Variants in PDS5B observed in about 807,000 individuals in gnomAD.
PDS5B encodes the protein sister chromatid cohesion protein PDS5 homolog B.
Under a neutral mutation model 184.1 loss-of-function variants are expected in PDS5B, and 51 were observed. That is an observed-to-expected ratio of 0.28 (90% CI 0.22 to 0.35). The LOEUF (loss-of-function observed/expected upper bound fraction) is 0.35. Ranked by LOEUF, PDS5B falls within the 10% of genes least tolerant of loss-of-function variation. The pLI is 1.00. For missense variants in PDS5B, 1,180 were observed against 1,723.3 expected, an observed-to-expected ratio of 0.68 and a Z score of 5.58; for synonymous variants, 566 against 569.2, an observed-to-expected ratio of 0.99 and a Z score of 0.08.
intron 13 of PDS5B, chr13:32,689,152 G>A (rs1390924886): frequency 1.3e-5 from 2 of 152,682 alleles, no homozygotes; most frequent in Non-Finnish European, 2.9e-5. Context: ...TAAGGGTTAG[G>A]AAATTGAAGT....
At chr13:32,749,015 ATGTCATTCCTC>A (rs1352724183) in intron 24 of PDS5B, among the ~76,000 whole-genome samples, 1 of 152,120 alleles carries the variant, frequency 6.6e-6, no homozygotes, top group African/African-American at 2.4e-5. Context: ...AGTTATGATC[ATGTCATTCCTC>A]TGTTAAAATA....
intron 1 of PDS5B, among the ~76,000 whole-genome samples, chr13:32,594,062 A>G (rs1055477561): frequency 3.3e-5 from 5 of 152,250 alleles, no homozygotes; most frequent in African/African-American, 1.2e-4. Flanking sequence ...ATCATTACAC[A>G]TTGTATATGT....
intron 10 of PDS5B, among the ~76,000 whole-genome samples, chr13:32,680,923 G>A (rs1408296806): frequency 6.6e-6 from 1 of 151,940 alleles, no homozygotes; most frequent in South Asian, 2.1e-4. Flanking sequence ...TTTTGCTGTT[G>A]ATAATGTGTA....
At chr13:32,714,575 C>G (rs916843971) in intron 19 of PDS5B, among the ~76,000 whole-genome samples, 1 of 152,136 alleles carries the variant, frequency 6.6e-6, no homozygotes. Flanking sequence ...GTTTATAAGC[C>G]TATACCTCCA....
At chr13:32,634,176 A>C (rs1017765407) in intron 1 of PDS5B, among the ~76,000 whole-genome samples, 3 of 152,206 alleles carry the variant, frequency 2.0e-5, no homozygotes, top group African/African-American at 7.2e-5. Context: ...AATTCTCTAA[A>C]ATACAAATCT....
At chr13:32,657,444 C>T (rs1439020004) in intron 3 of PDS5B, among the ~76,000 whole-genome samples, 1 of 152,058 alleles carries the variant, frequency 6.6e-6, no homozygotes, top group Non-Finnish European at 1.5e-5. Context: ...TTACTTTGAC[C>T]CTATCAGTGT....
intron 33 of PDS5B, 63 bp downstream of exon 33, chr13:32,770,824 G>T (rs1245371602): frequency 5.0e-6 from 6 of 1,195,174 alleles, no homozygotes; most frequent in African/African-American, 3.0e-5. Flanking sequence ...TCCTAAATTT[G>T]TAAACATACA....
chr13:32,762,620 A>G (rs930696495), intron 30 of PDS5B, among the ~76,000 whole-genome samples: 5 of 152,092 alleles, frequency 3.3e-5, no homozygotes, highest in Non-Finnish European at 7.4e-5. Flanking sequence ...TATTATAATC[A>G]AAGATGATCT....
At chr13:32,607,360 AG>A (rs965689052) in intron 1 of PDS5B, among the ~76,000 whole-genome samples, 15 of 152,180 alleles carry the variant, frequency 9.9e-5, no homozygotes, top group African/African-American at 3.6e-4. Flanking sequence ...TCACCAGTGG[AG>A]GCTGCAGAAC....
intron 1 of PDS5B, among the ~76,000 whole-genome samples, chr13:32,643,858 G>A (rs7996477): frequency 1.1e-4 from 16 of 152,108 alleles, no homozygotes; most frequent in Admixed American, 6.5e-4. Context: ...ATCATTAAGT[G>A]ATGTATGACT....
intron 19 of PDS5B, among the ~76,000 whole-genome samples, chr13:32,712,805 T>TTTAC (rs1952249740): frequency 6.6e-6 from 1 of 152,210 alleles, no homozygotes; most frequent in Non-Finnish European, 1.5e-5. Context: ...TTTCTTTAGG[T>TTTAC]CAACCTGTTT....
intron 1 of PDS5B, among the ~76,000 whole-genome samples, chr13:32,594,928 G>C (rs1477316629): frequency 6.6e-6 from 1 of 152,082 alleles, no homozygotes; most frequent in Non-Finnish European, 1.5e-5. Flanking sequence ...TTTCATCCCT[G>C]TTAATTGGTC....
At chr13:32,704,688 A>G (rs1951956323) in intron 17 of PDS5B, among the ~76,000 whole-genome samples, 2 of 152,184 alleles carry the variant, frequency 1.3e-5, no homozygotes, top group Non-Finnish European at 2.9e-5. Flanking sequence ...AGGTTGTGAT[A>G]CATTAGAGGA....
At chr13:32,660,276 C>CCTTG (rs1950609858) in intron 6 of PDS5B, among the ~76,000 whole-genome samples, 1 of 152,190 alleles carries the variant, frequency 6.6e-6, no homozygotes, top group African/African-American at 2.4e-5. Flanking sequence ...GTCTCCTTCA[C>CCTTG]CTTGGTGCCC....
chr13:32,643,352 T>C (rs1487981014), intron 1 of PDS5B, among the ~76,000 whole-genome samples: 4 of 152,170 alleles, frequency 2.6e-5, no homozygotes. Context: ...TAAAAGCTTT[T>C]AACACTTTGC....
At chr13:32,710,968 C>A (rs1952185102) in intron 19 of PDS5B, among the ~76,000 whole-genome samples, 1 of 151,964 alleles carries the variant, frequency 6.6e-6, no homozygotes, top group South Asian at 2.1e-4. Context: ...ATAAATAGAA[C>A]AAAGGCATTA....
chr13:32,629,776 G>C (rs1410431012), intron 1 of PDS5B, among the ~76,000 whole-genome samples: 1 of 152,174 alleles, frequency 6.6e-6, no homozygotes, highest in Non-Finnish European at 1.5e-5. Context: ...AAGCAGGTAT[G>C]ATGTAGTTCT....
At chr13:32,609,970 A>G (rs913126014) in intron 1 of PDS5B, among the ~76,000 whole-genome samples, 13 of 152,320 alleles carry the variant, frequency 8.5e-5, no homozygotes, top group Middle Eastern at 3.4e-3. Context: ...AGAGGAAAAA[A>G]GTTGATGGAG....
Position 32,775,075 on chromosome 13 carries a change from T to C in PDS5B, c.*23T>C. On this transcript the variant is annotated 3_prime_UTR_variant, in exon 35 of 35. Transcript: ENST00000315596. ...TGAACAAATGTAATTAATAACTTTC[T>C]CTGTGAAAGCTTTGGAAAAATCTTT... 1 of 1,343,304 alleles carries C rather than the reference T, an allele frequency of 7.4e-7. No homozygotes were observed. The highest frequency in any genetic ancestry group is 1.1e-6 in the Non-Finnish European group (1 of 948,712). 83.2% of individuals were successfully genotyped at this position (1,343,304 alleles called of 1,614,324 possible).
Sources: gnomAD v4.1 joint callset for allele counts (sites outside exome capture counted in the v4.1 genomes callset) on GRCh38, gnomAD v4.1.1 for gene constraint, MANE v1.5 for transcripts, NCBI Gene and HGNC (gene_info 2026-07-23, HGNC 2026-07-21) for gene names.